DMD: variants seen among roughly 807,000 people sequenced by gnomAD.
The protein encoded by DMD is mutant dystrophin.
Under a neutral mutation model 330.1 loss-of-function variants are expected in DMD, and 63 were observed. The observed-to-expected ratio is 0.19, with a 90% CI of 0.16 to 0.24. The LOEUF (loss-of-function observed/expected upper bound fraction) is 0.24, where lower values mean the gene tolerates loss of function less well. Ranked by LOEUF, DMD falls within the 10% of genes least tolerant of loss-of-function variation. DMD has a pLI of 1.00. For missense variants in DMD, 3,344 were observed against 2,684.1 expected (o/e 1.25, Z -5.43); for synonymous variants, 1,223 against 959.8 (o/e 1.27, Z -5.07).
Position 31,478,157 on chromosome X carries a change from G to A in DMD, c.8886C>T (p.Pro2962=), listed in dbSNP as rs371648038. The A allele has an allele frequency of 7.0e-5, 84 of 1,208,582 alleles. No individual in the cohort carries two copies. Among genetic ancestry groups the A allele is most frequent in the Non-Finnish European group, 9.1e-5 (81 of 894,751 alleles). Residue 2962 remains proline (P), a synonymous_variant, in exon 59 of 79, where the codon CCC becomes CCT. Coordinates refer to ENST00000357033, the MANE Select transcript of DMD (RefSeq NM_004006.3). The stretch of plus-strand genomic sequence containing the variant: ...GAGAGTCAATGAGGAGATCGCCCAC[G>A]GGCTGCCAGGATCCCTTGATCACCT... The part of the protein sequence containing the change: ...QAEVIKGSWQ[P]VGDLLIDSLQ...
rs376378848 is a variant in DMD at position 32,390,303 on chromosome X, G to A, written c.4234-122C>T. The A allele has an allele frequency of 1.2e-3, 683 of 555,879 alleles. 6 individuals are homozygous for A. The South Asian group carries it at 0.017, about 14-fold the overall frequency. 45.8% of individuals were successfully genotyped at this position (555,879 alleles called of 1,213,427 possible). On this transcript the variant is annotated intron_variant, in intron 30 of 78. Coordinates refer to ENST00000357033, the MANE Select transcript of DMD (RefSeq NM_004006.3). Reference sequence around the variant, plus strand: ...CCATGTAGCTTCCTTTAAAATGACCGTAAATTGGCCAAGAGTGGTGGTTCA... The same window carrying A: ...CCATGTAGCTTCCTTTAAAATGACCATAAATTGGCCAAGAGTGGTGGTTCA...
chrX:31,629,868 A>G (rs1455611376), intron 54 of DMD, among the ~76,000 whole-genome samples: 1 of 112,236 alleles, frequency 8.9e-6, no homozygotes, highest in Non-Finnish European at 1.9e-5. Context: ...AAAATTTGGA[A>G]CAGAAATAAG....
intron 44 of DMD, among the ~76,000 whole-genome samples, chrX:32,189,089 A>G (rs1439145261): frequency 9.0e-6 from 1 of 110,991 alleles, no homozygotes; most frequent in Non-Finnish European, 1.9e-5. Flanking sequence ...ATCTATTCAT[A>G]AAGTATTTTT....
At chrX:32,833,296 C>A (rs1569531102) in intron 4 of DMD, among the ~76,000 whole-genome samples, 2 of 110,592 alleles carry the variant, frequency 1.8e-5, no homozygotes, top group Non-Finnish European at 3.8e-5. Flanking sequence ...GCAGTTAATA[C>A]AAGTGTCTCA....
At chrX:33,245,412 A>G (rs2052650433) in intron 1 of DMD, among the ~76,000 whole-genome samples, 1 of 112,069 alleles carries the variant, frequency 8.9e-6, no homozygotes, top group South Asian at 3.7e-4. Flanking sequence ...AAAACTACAT[A>G]TGTTGCATTT....
chrX:32,887,746 A>C (rs12839688), intron 2 of DMD, among the ~76,000 whole-genome samples: 10 of 40,525 alleles, frequency 2.5e-4, no homozygotes, highest in African/African-American at 9.4e-4. Flanking sequence ...AGACTGTCTC[A>C]AAAAAAAAAA....
chrX:33,187,287 A>G (rs1188365095), intron 1 of DMD, among the ~76,000 whole-genome samples: 1 of 112,587 alleles, frequency 8.9e-6, no homozygotes, highest in East Asian at 2.8e-4. Context: ...AATTTGCCCA[A>G]CATTGCCTAA....
intron 9 of DMD, among the ~76,000 whole-genome samples, chrX:32,677,036 GTTT>G: frequency 9.0e-6 from 1 of 111,028 alleles, no homozygotes; most frequent in South Asian, 3.7e-4. Context: ...TAAATTACAT[GTTT>G]TATTTATTTT....
At chrX:31,374,614 T>C (rs1434063324) in intron 60 of DMD, among the ~76,000 whole-genome samples, 1 of 89,738 alleles carries the variant, frequency 1.1e-5, no homozygotes, top group Non-Finnish European at 2.1e-5. Flanking sequence ...TAGGTGGGAA[T>C]TGAACAATGA....
intron 62 of DMD, among the ~76,000 whole-genome samples, chrX:31,272,078 C>T (rs1282997849): frequency 1.8e-5 from 2 of 111,419 alleles, no homozygotes; most frequent in African/African-American, 6.5e-5. Context: ...GGAAAGTTCT[C>T]TGTGAGCCAG....
chrX:32,290,218 G>A (rs950167512), intron 42 of DMD, among the ~76,000 whole-genome samples: 6 of 112,071 alleles, frequency 5.4e-5, no homozygotes, highest in African/African-American at 1.9e-4. Flanking sequence ...TCTTTCTCAC[G>A]TTAAAGGGGC....
chrX:32,741,514 G>A (rs988743811), intron 7 of DMD, among the ~76,000 whole-genome samples: 2 of 111,398 alleles, frequency 1.8e-5, no homozygotes, highest in Non-Finnish European at 3.8e-5. Flanking sequence ...TCCATAAGAC[G>A]ATCAACAACC....
chrX:32,170,697 G>T (rs2096884671), intron 44 of DMD, among the ~76,000 whole-genome samples: 1 of 109,397 alleles, frequency 9.1e-6, no homozygotes, highest in African/African-American at 3.3e-5. Context: ...CTGACATTTT[G>T]GACAGAATAA....
intron 18 of DMD, among the ~76,000 whole-genome samples, chrX:32,503,937 T>C (rs1435063929): frequency 1.8e-5 from 2 of 111,832 alleles, no homozygotes; most frequent in Non-Finnish European, 3.8e-5. Flanking sequence ...CAAGGCTTGA[T>C]ATAAAACTGC....
chrX:32,772,863 A>G (rs1450724351), intron 7 of DMD, among the ~76,000 whole-genome samples: 1 of 111,888 alleles, frequency 8.9e-6, no homozygotes, highest in African/African-American at 3.3e-5. Flanking sequence ...GAAAATAAAC[A>G]TATCAAATTG....
Position 31,447,485 on chromosome X carries a change from T to C in DMD, c.8938-2858A>G, listed in dbSNP as rs193190885. ...GTTGACTTGTTACAACCGTCAGTTG[T>C]GTGTATGTTCTCAAACCTATCTTTG... On this transcript the variant is annotated intron_variant, in intron 59 of 78. Transcript: ENST00000357033. Among the ~76,000 whole-genome samples the C allele has an allele frequency of 5.4e-3, 593 of 110,406 alleles. 3 individuals carry two copies. The highest frequency in any genetic ancestry group is 0.019 in the African/African-American group (575 of 30,400).
chrX:32,607,105 T>C (rs908522969), intron 12 of DMD, among the ~76,000 whole-genome samples: 2 of 110,269 alleles, frequency 1.8e-5, no homozygotes, highest in Non-Finnish European at 3.8e-5. Flanking sequence ...TATATCCATG[T>C]AACAAACCTG....
chrX:32,782,863 A>G (rs907119086), intron 7 of DMD, among the ~76,000 whole-genome samples: 2 of 107,580 alleles, frequency 1.9e-5, no homozygotes, highest in African/African-American at 6.8e-5. Context: ...CGTACCATAT[A>G]TATATACACA....
rs559599925 is a variant in DMD, at chrX:31,771,953, G to A, written c.7542+2007C>T. ...CCCTAAATGCTGGACTCACAAACCCGTCACAAGGAAGTGTGGACTTTCTCT... is the reference window on the plus strand; with the variant it reads ...CCCTAAATGCTGGACTCACAAACCCATCACAAGGAAGTGTGGACTTTCTCT... On this transcript the variant is annotated intron_variant, in intron 51 of 78. Coordinates refer to ENST00000357033, the MANE Select transcript of DMD (RefSeq NM_004006.3). Among the ~76,000 whole-genome samples, 54 of 111,803 alleles carry A rather than the reference G, an allele frequency of 4.8e-4. No homozygotes were observed. In the South Asian group the frequency reaches 0.016, roughly 34 times the overall value.
Sources: allele counts gnomAD v4.1 joint callset (sites outside exome capture counted in the v4.1 genomes callset), GRCh38; gene constraint gnomAD v4.1.1; transcripts MANE v1.5; gene names NCBI Gene and HGNC (gene_info 2026-07-23, HGNC 2026-07-21).